The following PCDHA12 variants were observed in gnomAD, a reference collection of about 807,000 sequenced individuals.
PCDHA12 encodes the protein protocadherin alpha 12.
Under a neutral mutation model 60.0 loss-of-function variants are expected in PCDHA12, and 44 were observed. That is an observed-to-expected ratio of 0.73 (90% confidence interval 0.58 to 0.94). The LOEUF (loss-of-function observed/expected upper bound fraction) is 0.94, where lower values mean the gene tolerates loss of function less well. Among genes scored for constraint, PCDHA12 ranks in the 40% least tolerant of loss-of-function variants. The pLI is 0.00. For missense variants in PCDHA12, 1,276 were observed against 1,239.7 expected (o/e 1.03, Z -0.44); for synonymous variants, 569 against 553.0 (o/e 1.03, Z -0.40).
chr5:140,982,299 T>C, intron 2 of PCDHA12, 176 bp from the exon 3 acceptor site: 1 of 1,200,862 alleles, frequency 8.3e-7, no homozygotes, highest in South Asian at 1.7e-5. Flanking sequence ...AAGTCAGCAA[T>C]GCTTCTGCAG....
At chr5:140,924,762 G>A (rs1554202136) in intron 1 of PCDHA12, among the ~76,000 whole-genome samples, 1 of 151,856 alleles carries the variant, frequency 6.6e-6, no homozygotes, top group Non-Finnish European at 1.5e-5. Context: ...GAGCATGGTG[G>A]TGCGCGCTTG....
In PCDHA12 at chr5:140,957,392, T is replaced by A. The variant is rs1035836709; in HGVS notation, c.2368-21557T>A. Among the ~76,000 whole-genome samples the A allele has an allele frequency of 2.6e-5, 4 of 152,222 alleles. No individual in the cohort carries two copies. In the East Asian group the frequency reaches 5.8e-4, roughly 22 times the overall value. ...TTATTATAGTGTATTGTTATAATTG[T>A]CCTAATTTATTATTATTGTTGTTAA... is the stretch of plus-strand genomic sequence containing the variant. On this transcript the variant is annotated intron_variant, in intron 1 of 3. Coordinates refer to ENST00000398631, the MANE Select transcript of PCDHA12 (RefSeq NM_018903.4).
rs567371259 is a variant in PCDHA12, at chr5:140,910,950, G to A, written c.2367+33111G>A. ...TAAGAAAGCTCAAGCAGTTCTTTTC[G>A]AGTGTAGCACACCTCCTCATGGGTT... On this transcript the variant is annotated intron_variant, in intron 1 of 3. Coordinates refer to ENST00000398631, the MANE Select transcript of PCDHA12 (RefSeq NM_018903.4). Among the ~76,000 whole-genome samples, 203 of 152,092 alleles carry A rather than the reference G, an allele frequency of 1.3e-3. 1 individual carries two copies. Among genetic ancestry groups the A allele is most frequent in the Non-Finnish European group, 2.4e-3 (165 of 68,000 alleles).
At chr5:140,893,488 C>G (rs2064010316) in intron 1 of PCDHA12, among the ~76,000 whole-genome samples, 1 of 151,368 alleles carries the variant, frequency 6.6e-6, no homozygotes, top group Non-Finnish European at 1.5e-5. Flanking sequence ...CCCTGTTCTT[C>G]ACAAAAAAGA....
rs1554169960 is a variant in PCDHA12, at chr5:140,877,663, C to T, written c.2191C>T (p.Arg731Trp). ...LRCSAPPTVS[R>W]CAPGKPTLVC... is the part of the protein sequence containing the mutation. ...TTGCTCAGCGCCGCCCACCGTGAGC[C>T]GGTGCGCGCCGGGCAAGCCCACGCT... Residue 731 changes from arginine to tryptophan, a missense_variant, in exon 1 of 4, where the codon CGG becomes TGG. Physicochemically the swap from Arg to Trp is moderately radical, Grantham distance 101. Transcript: ENST00000398631. 22 of 1,613,432 alleles carry T rather than the reference C, an allele frequency of 1.4e-5. No homozygotes were observed. Among genetic ancestry groups the T allele is most frequent in the Admixed American group, 1.7e-5 (1 of 59,976 alleles).
intron 3 of PCDHA12, among the ~76,000 whole-genome samples, chr5:140,987,465 T>C (rs1554249222): frequency 6.6e-6 from 1 of 152,130 alleles, no homozygotes; most frequent in Non-Finnish European, 1.5e-5. Flanking sequence ...TGTTAAGAGC[T>C]CAAGCTTGGG....
intron 1 of PCDHA12, chr5:140,967,797 C>T: frequency 6.2e-7 from 1 of 1,614,184 alleles, no homozygotes; most frequent in East Asian, 2.2e-5. Flanking sequence ...GGTCCAGTGC[C>T]CATGGCAGGT....
At chr5:140,937,829 A>G (rs1305110198) in intron 1 of PCDHA12, among the ~76,000 whole-genome samples, 2 of 148,988 alleles carry the variant, frequency 1.3e-5, no homozygotes, top group African/African-American at 2.5e-5. Context: ...GGAGAATGGC[A>G]TGAACCTGGA....
intron 1 of PCDHA12, chr5:140,967,767 A>G (rs782195052): frequency 1.2e-6 from 2 of 1,614,216 alleles, no homozygotes; most frequent in East Asian, 2.2e-5. Context: ...TACCAGATCT[A>G]TGTGCAGGCG....
chr5:140,902,203 C>CTTTTTTTT (rs148688132), intron 1 of PCDHA12, among the ~76,000 whole-genome samples: 9 of 124,444 alleles, frequency 7.2e-5, no homozygotes, highest in Non-Finnish European at 8.4e-5. Context: ...CTCTCTCTTT[C>CTTTTTTTT]TTTTTTTTTT....
chr5:140,966,166 C>T (rs1159533172), intron 1 of PCDHA12: 1 of 179,138 alleles, frequency 5.6e-6, no homozygotes, highest in Non-Finnish European at 1.2e-5. Flanking sequence ...GAGATCTTTT[C>T]CTGGGGAGCT....
At chr5:140,888,108 T>C (rs1554183322) in intron 1 of PCDHA12, among the ~76,000 whole-genome samples, 1 of 152,248 alleles carries the variant, frequency 6.6e-6, no homozygotes, top group Non-Finnish European at 1.5e-5. Flanking sequence ...CTTCTTTTAA[T>C]CTATCTTCTT....
chr5:140,907,408 C>T (rs2073363118), intron 1 of PCDHA12, among the ~76,000 whole-genome samples: 1 of 152,118 alleles, frequency 6.6e-6, no homozygotes. Flanking sequence ...TGTGGAATAC[C>T]ACGATGGTGG....
chr5:141,004,336 G>A (rs1554259546), intron 3 of PCDHA12, among the ~76,000 whole-genome samples: 1 of 152,224 alleles, frequency 6.6e-6, no homozygotes, highest in East Asian at 1.9e-4. Flanking sequence ...AGGCACAGTG[G>A]TCTGTGAGGG....
chr5:140,968,401 C>A, intron 1 of PCDHA12: 4 of 1,613,984 alleles, frequency 2.5e-6, no homozygotes, highest in Non-Finnish European at 2.5e-6. Context: ...TTCGGGAGTT[C>A]TTTGTGACTG....
At chr5:140,880,214 A>C (rs2058267657) in intron 1 of PCDHA12, among the ~76,000 whole-genome samples, 1 of 152,224 alleles carries the variant, frequency 6.6e-6, no homozygotes, top group African/African-American at 2.4e-5. Flanking sequence ...TTCCACCAGA[A>C]GTAGAACATT....
At chr5:140,986,461 C>A (rs1554248079) in intron 3 of PCDHA12, among the ~76,000 whole-genome samples, 1 of 152,154 alleles carries the variant, frequency 6.6e-6, no homozygotes. Flanking sequence ...TTAATGAATG[C>A]CCTCTTGTGA....
chr5:140,967,676 G>A (rs1334899934), intron 1 of PCDHA12: 3 of 1,614,104 alleles, frequency 1.9e-6, no homozygotes, highest in African/African-American at 2.7e-5. Context: ...GTCGGACCGG[G>A]AGAGGCAGCT....
chr5:140,969,631 G>C (rs1554231956), intron 1 of PCDHA12: 1 of 227,796 alleles, frequency 4.4e-6, no homozygotes, highest in Non-Finnish European at 7.3e-6. Flanking sequence ...AAACAGGACA[G>C]GCCTTGGAAT....
Sources: allele counts gnomAD v4.1 joint callset (sites outside exome capture counted in the v4.1 genomes callset), GRCh38; gene constraint gnomAD v4.1.1; transcripts MANE v1.5; gene names NCBI Gene and HGNC (gene_info 2026-07-23, HGNC 2026-07-21).